PDE4B: variants seen among roughly 807,000 people sequenced by gnomAD.
PDE4B encodes 3',5'-cyclic-AMP phosphodiesterase 4B.
Under a neutral mutation model 82.2 loss-of-function variants are expected in PDE4B, and 20 were observed. The observed-to-expected ratio is 0.24, with a 90% CI of 0.17 to 0.35. The LOEUF is 0.35. PDE4B is among the 10% of genes least tolerant of loss of function. The pLI is 1.00. For synonymous variants in PDE4B, 320 were observed against 318.9 expected (o/e 1.00, Z -0.04); for missense variants, 655 against 907.2 (o/e 0.72, Z 3.57).
chr1:66,370,332 A>G (rs1454298153), intron 16 of PDE4B, among the ~76,000 whole-genome samples: 1 of 152,124 alleles, frequency 6.6e-6, no homozygotes, highest in African/African-American at 2.4e-5. Context: ...AATAGCAGTG[A>G]TGTTTTATGT....
At chr1:65,994,733 G>A (rs746966377) in intron 3 of PDE4B, among the ~76,000 whole-genome samples, 9 of 151,972 alleles carry the variant, frequency 5.9e-5, no homozygotes, top group Non-Finnish European at 1.2e-4. Flanking sequence ...TTAACCAAAA[G>A]GATATTTAAT....
At chr1:65,827,634 A>C (rs768305254) in intron 1 of PDE4B, among the ~76,000 whole-genome samples, 2 of 152,218 alleles carry the variant, frequency 1.3e-5, no homozygotes, top group Non-Finnish European at 2.9e-5. Context: ...AGAAGATCAG[A>C]GCATCCAAGA....
chr1:66,171,469 T>C (rs989458796), intron 3 of PDE4B, among the ~76,000 whole-genome samples: 8 of 152,190 alleles, frequency 5.3e-5, no homozygotes, highest in Admixed American at 2.6e-4. Flanking sequence ...CTAATGTCAT[T>C]GTAATTTTCT....
rs138557427 is a variant in PDE4B at position 66,183,202 on chromosome 1, G to C, written c.282-64258G>C. The stretch of plus-strand genomic sequence containing the variant: ...GAGGGGCCCCCATAGACAATGATAG[G>C]AACACAGAGTAGAATTACAGTGTTT... On this transcript the variant is annotated intron_variant, in intron 3 of 16. Coordinates refer to ENST00000341517, the MANE Select transcript of PDE4B (RefSeq NM_002600.4). 1.4e-3 allele frequency among the ~76,000 whole-genome samples: 214 copies of C among 152,166 alleles called. 2 individuals carry two copies. The highest frequency in any genetic ancestry group is 4.6e-3 in the African/African-American group (190 of 41,536).
intron 3 of PDE4B, among the ~76,000 whole-genome samples, chr1:66,208,297 C>A (rs1649728545): frequency 6.6e-6 from 1 of 152,142 alleles, no homozygotes; most frequent in Admixed American, 6.6e-5. Context: ...CCTCCAACCC[C>A]CACTCCAGAT....
At chr1:66,056,569 G>C (rs1226688940) in intron 3 of PDE4B, among the ~76,000 whole-genome samples, 1 of 150,364 alleles carries the variant, frequency 6.7e-6, no homozygotes, top group African/African-American at 2.5e-5. Context: ...ATCCTTACTT[G>C]GGAAGAAACT....
At chr1:65,876,435 C>T (rs1006996727) in intron 1 of PDE4B, among the ~76,000 whole-genome samples, 5 of 151,904 alleles carry the variant, frequency 3.3e-5, no homozygotes, top group African/African-American at 1.2e-4. Context: ...ATACATATTA[C>T]ATGTACATAC....
intron 6 of PDE4B, among the ~76,000 whole-genome samples, chr1:66,260,594 C>G (rs975622085): frequency 1.3e-5 from 2 of 152,144 alleles, no homozygotes; most frequent in African/African-American, 4.8e-5. Context: ...TTGCACAGCA[C>G]TAGGGAGAAG....
intron 10 of PDE4B, 36 bp from the exon 11 acceptor site, chr1:66,363,132 C>A (rs1334192282): frequency 2.1e-6 from 3 of 1,423,922 alleles, no homozygotes; most frequent in Non-Finnish European, 2.9e-6. Flanking sequence ...GCACAACTTT[C>A]CTTATTCCTA....
At chr1:66,088,438 A>G (rs907817806) in intron 3 of PDE4B, among the ~76,000 whole-genome samples, 1 of 152,070 alleles carries the variant, frequency 6.6e-6, no homozygotes, top group Non-Finnish European at 1.5e-5. Flanking sequence ...GGGACTAATT[A>G]TTGGTCTGCC....
At chr1:66,188,382 G>A (rs1647384141) in intron 3 of PDE4B, among the ~76,000 whole-genome samples, 2 of 151,226 alleles carry the variant, frequency 1.3e-5, no homozygotes, top group Admixed American at 6.6e-5. Context: ...TCAATTCCTG[G>A]GTATCCTTGT....
At chr1:66,046,180 A>T (rs369229750) in intron 3 of PDE4B, 1 of 151,752 alleles carries the variant, frequency 6.6e-6, no homozygotes, top group East Asian at 1.9e-4. Flanking sequence ...AAATTTAGAG[A>T]AATATTTATT....
rs551528134 is a variant in PDE4B at position 65,831,929 on chromosome 1, G to A, written c.-71+38681G>A. ...TTTACTGTATGTTAGAACATATATC[G>A]GGCTCTGGGGGTATCACTTAAACAA... On this transcript the variant is annotated intron_variant, in intron 1 of 16. Transcript: ENST00000341517. Among the ~76,000 whole-genome samples, 7 of 152,150 alleles carry A rather than the reference G, an allele frequency of 4.6e-5. No homozygotes were observed. In the East Asian group the frequency reaches 5.8e-4, roughly 13 times the overall value.
At chr1:65,951,541 G>T (rs1648999263) in intron 3 of PDE4B, among the ~76,000 whole-genome samples, 1 of 152,072 alleles carries the variant, frequency 6.6e-6, no homozygotes, top group Non-Finnish European at 1.5e-5. Flanking sequence ...TGTCTCCTGA[G>T]TTGATTTAAG....
intron 3 of PDE4B, among the ~76,000 whole-genome samples, chr1:66,228,361 A>G (rs1651628774): frequency 1.3e-5 from 2 of 152,148 alleles, no homozygotes; most frequent in East Asian, 1.9e-4. Context: ...TCTAGCTGCA[A>G]TATAAGAAAT....
chr1:66,372,235 T>C, intron 16 of PDE4B, 78 bp from the exon 17 acceptor site: 1 of 1,414,252 alleles, frequency 7.1e-7, no homozygotes, highest in African/African-American at 1.4e-5. Context: ...TGTTCTTTCT[T>C]TGCATGGAAA....
chr1:66,052,336 T>C (rs552842750), intron 3 of PDE4B, among the ~76,000 whole-genome samples: 71 of 152,294 alleles, frequency 4.7e-4, no homozygotes, highest in Non-Finnish European at 7.9e-4. Flanking sequence ...CAAAAATTGT[T>C]AGCTCATGTT....
chr1:66,192,001 G>T (rs1647853086), intron 3 of PDE4B, among the ~76,000 whole-genome samples: 1 of 152,142 alleles, frequency 6.6e-6, no homozygotes, highest in African/African-American at 2.4e-5. Context: ...TACAATTCAA[G>T]ATGAGATTTG....
intron 3 of PDE4B, among the ~76,000 whole-genome samples, chr1:65,933,971 G>C (rs986050580): frequency 3.9e-5 from 6 of 152,304 alleles, no homozygotes; most frequent in Non-Finnish European, 5.9e-5. Context: ...AACATAGTGT[G>C]TGATGGGAAA....
Sources: gnomAD v4.1 joint callset for allele counts (sites outside exome capture counted in the v4.1 genomes callset) on GRCh38, gnomAD v4.1.1 for gene constraint, MANE v1.5 for transcripts, NCBI Gene and HGNC (gene_info 2026-07-23, HGNC 2026-07-21) for gene names.